The following CSRNP3 variants were observed in gnomAD, a reference collection of about 807,000 sequenced individuals.
The protein encoded by CSRNP3 is cysteine/serine-rich nuclear protein 3.
Under a neutral mutation model 48.0 loss-of-function variants are expected in CSRNP3, and 12 were observed. The observed-to-expected ratio is 0.25, with a 90% CI of 0.16 to 0.41. The LOEUF is 0.41. CSRNP3 is among the 10% of genes least tolerant of loss of function. The pLI, the probability that CSRNP3 is intolerant of heterozygous loss-of-function variation, is 1.00. For missense variants in CSRNP3, 580 were observed against 724.4 expected (o/e 0.80, Z 2.29); for synonymous variants, 263 against 269.7 (o/e 0.98, Z 0.24).
intron 1 of CSRNP3, among the ~76,000 whole-genome samples, chr2:165,478,419 C>T (rs1270885426): frequency 6.6e-6 from 1 of 152,054 alleles, no homozygotes; most frequent in Non-Finnish European, 1.5e-5. Flanking sequence ...TTTTAAACTT[C>T]AAAAAAGCAG....
intron 4 of CSRNP3, among the ~76,000 whole-genome samples, chr2:165,650,663 T>C (rs1350043257): frequency 6.6e-6 from 1 of 152,222 alleles, no homozygotes; most frequent in Non-Finnish European, 1.5e-5. Flanking sequence ...CACACACAAC[T>C]TCAGAGCCCC....
Position 165,624,992 on chromosome 2 carries a change from CT to C in CSRNP3, c.148+29780del, listed in dbSNP as rs532798566. On this transcript the variant is annotated intron_variant, in intron 4 of 6. Coordinates refer to ENST00000651982, the MANE Select transcript of CSRNP3 (RefSeq NM_001172173.2). ...AGCCGGCAACTGCATCACACTGCCC[CT>C]CAGATATATGTGCCACATTGTGTTT... 7.7e-4 allele frequency among the ~76,000 whole-genome samples: 118 copies of C among 152,320 alleles called. No individual in the cohort carries two copies. The East Asian group carries it at 0.014, about 18-fold the overall frequency.
chr2:165,527,429 T>C (rs887515309), intron 3 of CSRNP3, among the ~76,000 whole-genome samples: 13 of 151,862 alleles, frequency 8.6e-5, no homozygotes, highest in South Asian at 6.2e-4. Flanking sequence ...ATGGTCTCGA[T>C]CTCCTGACCT....
chr2:165,675,295 G>C (rs80252168), intron 5 of CSRNP3, among the ~76,000 whole-genome samples: 9,603 of 152,168 alleles, frequency 0.063, 366 homozygotes, highest in Middle Eastern at 0.075. Flanking sequence ...ATTTTAGGAA[G>C]TGATAAATTT....
chr2:165,562,955 GGA>G (rs1685253019), intron 3 of CSRNP3, among the ~76,000 whole-genome samples: 1 of 152,088 alleles, frequency 6.6e-6, no homozygotes, highest in Non-Finnish European at 1.5e-5. Flanking sequence ...CAAGAGGGTG[GGA>G]GAGTTAACCT....
intron 4 of CSRNP3, among the ~76,000 whole-genome samples, chr2:165,635,755 GTACAGCTCACCAGGGTTGTAGGCCAGAAC>G (rs1686616538): frequency 6.6e-6 from 1 of 152,160 alleles, no homozygotes; most frequent in Non-Finnish European, 1.5e-5. Context: ...TCATAGGCCA[GTACAGCTCACCAGGGTTGTAGGCCAGAAC>G]TACACAATTC....
Position 165,681,760 on chromosome 2 carries a change from T to TATATATATAA in CSRNP3, c.*2008_*2009insTATATATAAA. On this transcript the variant is annotated 3_prime_UTR_variant, in exon 7 of 7. Coordinates refer to ENST00000651982, the MANE Select transcript of CSRNP3 (RefSeq NM_001172173.2). ...ATATATATATATATATATATATATATACACACACACACACACATACACATA... is the reference window on the plus strand; with the variant it reads ...ATATATATATATATATATATATATATATATATATAAACACACACACACACACATACACATA... 1 of 44,726 alleles carries TATATATATAA rather than the reference T, an allele frequency of 2.2e-5. No individual in the cohort carries two copies. Among genetic ancestry groups the TATATATATAA allele is most frequent in the African/African-American group, 6.1e-5 (1 of 16,432 alleles). The allele number at this position is 44,726 out of a possible 1,614,324, so 2.8% of individuals were successfully genotyped here.
chr2:165,487,494 C>A (rs1204303027), intron 1 of CSRNP3, among the ~76,000 whole-genome samples: 1 of 144,816 alleles, frequency 6.9e-6, no homozygotes, highest in Non-Finnish European at 1.5e-5. Flanking sequence ...ACATAATTGT[C>A]AGATTCACCA....
At chr2:165,512,442 A>G (rs1211829303) in intron 2 of CSRNP3, among the ~76,000 whole-genome samples, 2 of 152,216 alleles carry the variant, frequency 1.3e-5, no homozygotes, top group African/African-American at 4.8e-5. Flanking sequence ...ATTTTAGAAA[A>G]TTGTTTGCAC....
chr2:165,679,602 A>G lies in CSRNP3; in HGVS notation c.1607A>G (p.Lys536Arg), dbSNP rs746817797. ...HPQVEFHSYL[K>R]GPSQEGFVSA... ...CAAGTGGAATTTCACTCATACTTGA[A>G]AGGCCCCTCCCAAGAAGGGTTTGTC... Residue 536 changes from lysine (K) to arginine (R), a missense_variant, in exon 7 of 7, where the codon AAA becomes AGA. Coordinates refer to ENST00000651982, the MANE Select transcript of CSRNP3 (RefSeq NM_001172173.2). 1 of 1,614,122 alleles carries G rather than the reference A, an allele frequency of 6.2e-7. No individual in the cohort carries two copies. Among genetic ancestry groups the G allele is most frequent in the Non-Finnish European group, 8.5e-7 (1 of 1,179,998 alleles).
intron 3 of CSRNP3, among the ~76,000 whole-genome samples, chr2:165,570,697 G>A (rs1685357354): frequency 6.6e-6 from 1 of 151,574 alleles, no homozygotes; most frequent in Non-Finnish European, 1.5e-5. Context: ...TAAGAACCCA[G>A]AAGTATACTA....
chr2:165,624,118 C>T (rs561008554), intron 4 of CSRNP3, among the ~76,000 whole-genome samples: 2 of 152,134 alleles, frequency 1.3e-5, no homozygotes, highest in Non-Finnish European at 2.9e-5. Flanking sequence ...AAAGCAGGTT[C>T]AGGGAGAGCA....
chr2:165,584,683 A>G (rs993783419), intron 3 of CSRNP3, among the ~76,000 whole-genome samples: 1 of 152,222 alleles, frequency 6.6e-6, no homozygotes. Context: ...AAAGCCTGCA[A>G]AAAATTCAGA....
At chr2:165,523,763 G>A (rs1574820274) in intron 3 of CSRNP3, among the ~76,000 whole-genome samples, 1 of 152,280 alleles carries the variant, frequency 6.6e-6, no homozygotes, top group East Asian at 1.9e-4. Context: ...ATAAATGAGT[G>A]AAGTTGGCTA....
Position 165,624,741 on chromosome 2 carries a change from T to C in CSRNP3, c.148+29528T>C, listed in dbSNP as rs554672129. Among the ~76,000 whole-genome samples the C allele has an allele frequency of 8.0e-4, 122 of 152,282 alleles. 2 individuals are homozygous for C. In the Middle Eastern group the frequency reaches 0.01, roughly 13 times the overall value. ...CTGCCTCTCCCTATTTCCTCCTCCT[T>C]CCCATCACCTCTTTCCTTTATTTAT... On this transcript the variant is annotated intron_variant, in intron 4 of 6. Coordinates refer to ENST00000651982, the MANE Select transcript of CSRNP3 (RefSeq NM_001172173.2).
At chr2:165,554,665 C>T (rs1685139781) in intron 3 of CSRNP3, among the ~76,000 whole-genome samples, 2 of 152,208 alleles carry the variant, frequency 1.3e-5, no homozygotes, top group South Asian at 4.2e-4. Flanking sequence ...CATTTTTTTA[C>T]TACTGTGTGA....
chr2:165,604,850 T>A (rs1685982064), intron 4 of CSRNP3, among the ~76,000 whole-genome samples: 1 of 152,224 alleles, frequency 6.6e-6, no homozygotes, highest in Non-Finnish European at 1.5e-5. Context: ...AAATTCAGGA[T>A]CAGGACCTCA....
At chr2:165,655,008 T>C (rs189840478) in intron 4 of CSRNP3, among the ~76,000 whole-genome samples, 30 of 152,334 alleles carry the variant, frequency 2.0e-4, no homozygotes, top group African/African-American at 7.0e-4. Context: ...TACTTACTGA[T>C]TAAACAAATC....
chr2:165,674,712 AT>A (rs1248316902), intron 5 of CSRNP3, among the ~76,000 whole-genome samples: 48 of 136,552 alleles, frequency 3.5e-4, no homozygotes, highest in Non-Finnish European at 3.2e-4. Context: ...ATATATATAT[AT>A]AATTTGTTTA....
Sources: gnomAD v4.1 joint callset for allele counts (sites outside exome capture counted in the v4.1 genomes callset) on GRCh38, gnomAD v4.1.1 for gene constraint, MANE v1.5 for transcripts, NCBI Gene and HGNC (gene_info 2026-07-23, HGNC 2026-07-21) for gene names.